Variants in CLSTN2 observed in about 807,000 individuals in gnomAD.
The protein encoded by CLSTN2 is calsyntenin-2.
In CLSTN2, 48 loss-of-function variants were observed where a neutral mutation model predicts 101.2. That is an observed-to-expected ratio of 0.47 (90% CI 0.38 to 0.60). The LOEUF (loss-of-function observed/expected upper bound fraction) is 0.60. CLSTN2 is among the 20% of genes least tolerant of loss of function. The pLI, the probability that CLSTN2 is intolerant of heterozygous loss-of-function variation, is 0.00. For missense variants in CLSTN2, 1,160 were observed against 1,238.2 expected, an observed-to-expected ratio of 0.94 and a Z score of 0.95; for synonymous variants, 481 against 463.6, an observed-to-expected ratio of 1.04 and a Z score of -0.48.
chr3:140,101,800 A>G (rs1476820408), intron 1 of CLSTN2, among the ~76,000 whole-genome samples: 1 of 152,160 alleles, frequency 6.6e-6, no homozygotes, highest in African/African-American at 2.4e-5. Context: ...AGGGGAGGAA[A>G]CGATGGAAAA....
chr3:140,358,986 C>A (rs1393931003), intron 2 of CLSTN2, among the ~76,000 whole-genome samples: 7 of 152,152 alleles, frequency 4.6e-5, no homozygotes, highest in Non-Finnish European at 1.0e-4. Context: ...CATCCAAACC[C>A]TCTTCCAACA....
At chr3:140,364,218 C>A (rs9864332) in intron 2 of CLSTN2, among the ~76,000 whole-genome samples, 13,262 of 152,160 alleles carry the variant, frequency 0.087, 696 homozygotes, top group East Asian at 0.18. Flanking sequence ...CAGACACACT[C>A]ACCCAGAGTT....
At chr3:140,440,414 A>G (rs2088748463) in intron 5 of CLSTN2, among the ~76,000 whole-genome samples, 1 of 152,236 alleles carries the variant, frequency 6.6e-6, no homozygotes, top group Admixed American at 6.5e-5. Context: ...GGGATTCCTT[A>G]TGTTCGTAAT....
chr3:140,503,208 T>C (rs1353733334), intron 8 of CLSTN2, among the ~76,000 whole-genome samples: 1 of 152,236 alleles, frequency 6.6e-6, no homozygotes, highest in African/African-American at 2.4e-5. Context: ...AGATTCTTCA[T>C]TTAATCACTT....
At chr3:140,058,705 A>G (rs2008142541) in intron 1 of CLSTN2, among the ~76,000 whole-genome samples, 1 of 152,080 alleles carries the variant, frequency 6.6e-6, no homozygotes. Context: ...GAGATATGCA[A>G]AATTTTGTGC....
chr3:140,212,669 C>T (rs928109282), intron 2 of CLSTN2, among the ~76,000 whole-genome samples: 3 of 152,316 alleles, frequency 2.0e-5, no homozygotes, highest in East Asian at 1.9e-4. Flanking sequence ...CTTGTTTCAC[C>T]TTTCACAGGT....
At position 140,333,015 on chromosome 3, in the gene CLSTN2, C is replaced by G. The variant is rs1482174891; in HGVS notation, c.233-70614C>G. The stretch of plus-strand genomic sequence containing the variant: ...CTTTGCAAGGGAGTCCATGATCCTG[C>G]ACTGGGGTGTTAAGGCCATTAAAAG... On this transcript the variant is annotated intron_variant, in intron 2 of 16. Coordinates refer to ENST00000458420, the MANE Select transcript of CLSTN2 (RefSeq NM_022131.3). Among the ~76,000 whole-genome samples, 3 of 152,178 alleles carry G rather than the reference C, an allele frequency of 2.0e-5. No homozygotes were observed. The East Asian group carries it at 5.8e-4, about 29-fold the overall frequency.
intron 1 of CLSTN2, among the ~76,000 whole-genome samples, chr3:140,039,748 G>C (rs574931452): frequency 1.3e-5 from 2 of 152,214 alleles, no homozygotes; most frequent in East Asian, 3.9e-4. Context: ...TGTGTGTATA[G>C]ATTTATGTAT....
intron 1 of CLSTN2, among the ~76,000 whole-genome samples, chr3:140,018,388 G>A (rs929862165): frequency 5.3e-5 from 8 of 152,222 alleles, no homozygotes; most frequent in African/African-American, 1.9e-4. Flanking sequence ...TCCTGCTTGA[G>A]CACGGGGGTT....
intron 1 of CLSTN2, among the ~76,000 whole-genome samples, chr3:140,071,272 G>A (rs917685610): frequency 6.6e-6 from 1 of 151,986 alleles, no homozygotes; most frequent in Admixed American, 6.6e-5. Context: ...TTCTAGACAA[G>A]AAATTCTAGA....
intron 1 of CLSTN2, among the ~76,000 whole-genome samples, chr3:140,137,099 G>A (rs1362629543): frequency 6.6e-6 from 1 of 152,100 alleles, no homozygotes; most frequent in Non-Finnish European, 1.5e-5. Context: ...CTTGGTACTG[G>A]AGTTGCCAAT....
intron 1 of CLSTN2, among the ~76,000 whole-genome samples, chr3:140,122,094 G>A (rs1165760673): frequency 6.6e-6 from 1 of 152,210 alleles, no homozygotes; most frequent in Non-Finnish European, 1.5e-5. Flanking sequence ...CAAGCTGGCT[G>A]TATCTCCCCA....
intron 2 of CLSTN2, among the ~76,000 whole-genome samples, chr3:140,211,605 T>A (rs2010856546): frequency 6.6e-6 from 1 of 151,310 alleles, no homozygotes; most frequent in Non-Finnish European, 1.5e-5. Flanking sequence ...CATAAACATA[T>A]TCATTTAATC....
intron 1 of CLSTN2, among the ~76,000 whole-genome samples, chr3:140,064,831 A>G (rs1044759920): frequency 1.3e-5 from 2 of 152,244 alleles, no homozygotes; most frequent in African/African-American, 4.8e-5. Context: ...TGAGAAAATA[A>G]GAGATAAAGC....
rs529457614 is a variant in CLSTN2, at chr3:140,558,861, C to T, written c.2041+4C>T. ...CCCGGGGACGTGAAAACCACAGGTA[C>T]AGGTGCATTTGAGTTTGTGGGGAGG... On this transcript the variant is annotated splice_donor_region_variant and intron_variant, in intron 12 of 16. Coordinates refer to ENST00000458420, the MANE Select transcript of CLSTN2 (RefSeq NM_022131.3). 3 of 1,612,628 alleles carry T rather than the reference C, an allele frequency of 1.9e-6. No individual in the cohort carries two copies. The South Asian group carries it at 3.3e-5, about 18-fold the overall frequency.
At chr3:140,100,583 A>T (rs111507384) in intron 1 of CLSTN2, among the ~76,000 whole-genome samples, 14 of 152,368 alleles carry the variant, frequency 9.2e-5, no homozygotes, top group Non-Finnish European at 1.6e-4. Flanking sequence ...GTTTGCAGTC[A>T]CTAGAAGGCT....
intron 6 of CLSTN2, among the ~76,000 whole-genome samples, chr3:140,458,316 A>C (rs1933455939): frequency 6.6e-6 from 1 of 152,098 alleles, no homozygotes; most frequent in African/African-American, 2.4e-5. Context: ...AGAGTTTATG[A>C]CTGACTGGTC....
intron 2 of CLSTN2, among the ~76,000 whole-genome samples, chr3:140,253,404 G>A (rs2086579923): frequency 6.6e-6 from 1 of 152,188 alleles, no homozygotes; most frequent in African/African-American, 2.4e-5. Context: ...ATGTGGCACT[G>A]GAGGAGTCTG....
intron 1 of CLSTN2, among the ~76,000 whole-genome samples, chr3:140,157,118 A>G (rs1314770621): frequency 6.6e-6 from 1 of 152,038 alleles, no homozygotes; most frequent in Non-Finnish European, 1.5e-5. Context: ...AGAACTATTC[A>G]ATCTTTATTT....
Sources: gnomAD v4.1 joint callset for allele counts (sites outside exome capture counted in the v4.1 genomes callset) on GRCh38, gnomAD v4.1.1 for gene constraint, MANE v1.5 for transcripts, NCBI Gene and HGNC (gene_info 2026-07-23, HGNC 2026-07-21) for gene names.